The following DISC1 variants were observed in gnomAD, a reference collection of about 807,000 sequenced individuals.
DISC1 encodes disrupted in schizophrenia 1 protein.
Under a neutral mutation model 84.5 loss-of-function variants are expected in DISC1, and 57 were observed. The observed-to-expected ratio is 0.67, with a 90% CI of 0.55 to 0.84. DISC1 has a LOEUF of 0.84. Ranked by LOEUF, DISC1 falls within the 40% of genes least tolerant of loss-of-function variation. The pLI, the probability that DISC1 is intolerant of heterozygous loss-of-function variation, is 0.00. For missense variants in DISC1, 1,000 were observed against 1,057.8 expected, an observed-to-expected ratio of 0.95 and a Z score of 0.76; for synonymous variants, 411 against 415.2, an observed-to-expected ratio of 0.99 and a Z score of 0.12.
chr1:232,037,509 A>C lies in DISC1; in HGVS notation c.*678A>C, dbSNP rs1021949469. 1.3e-5 allele frequency: 2 copies of C among 152,256 alleles called. No individual in the cohort carries two copies. The highest frequency in any genetic ancestry group is 4.8e-5 in the African/African-American group (2 of 41,474). 9.4% of individuals were successfully genotyped at this position (152,256 alleles called of 1,614,324 possible). On this transcript the variant is annotated 3_prime_UTR_variant, in exon 13 of 13. Coordinates refer to ENST00000439617, the MANE Select transcript of DISC1 (RefSeq NM_018662.3). ...AAGGATCCCTGAGAGTCTCTGTTTC[A>C]TCAGGACATTCTGAAATTTACCCAC...
intron 10 of DISC1, among the ~76,000 whole-genome samples, chr1:231,998,538 G>A (rs1001838504): frequency 1.3e-5 from 2 of 152,054 alleles, no homozygotes; most frequent in Non-Finnish European, 2.9e-5. Flanking sequence ...GAACTAGATC[G>A]ACCTCAGACT....
rs879405874 is a variant in DISC1 at position 231,693,920 on chromosome 1, C to T, written c.162C>T (p.Ile54=). The change falls in exon 2 of 13, where the codon ATC becomes ATT. Residue 54 remains isoleucine (I), a synonymous_variant. Coordinates refer to ENST00000439617, the MANE Select transcript of DISC1 (RefSeq NM_018662.3). ...GYMRSSTGPG[I]GFLSPAVGTL... ...TGAGAAGCTCGACAGGGCCTGGGAT[C>T]GGGTTCCTTTCCCCAGCAGTGGGCA... 6 of 1,614,178 alleles carry T rather than the reference C, an allele frequency of 3.7e-6. No individual in the cohort carries two copies. Among genetic ancestry groups the T allele is most frequent in the East Asian group, 2.2e-5 (1 of 44,886 alleles).
At chr1:231,778,094 T>C (rs1351548348) in intron 6 of DISC1, among the ~76,000 whole-genome samples, 1 of 152,094 alleles carries the variant, frequency 6.6e-6, no homozygotes, top group Non-Finnish European at 1.5e-5. Flanking sequence ...AGGCCAGGGA[T>C]GGTTGTCTCT....
intron 1 of DISC1, among the ~76,000 whole-genome samples, chr1:231,638,875 G>A (rs2059401484): frequency 6.6e-6 from 1 of 152,136 alleles, no homozygotes; most frequent in Non-Finnish European, 1.5e-5. Context: ...GAATCATCAG[G>A]AATTTAGTGG....
intron 9 of DISC1, among the ~76,000 whole-genome samples, chr1:231,904,552 A>G (rs575414686): frequency 9.8e-5 from 15 of 152,326 alleles, no homozygotes; most frequent in African/African-American, 3.6e-4. Context: ...CTGTGAACCT[A>G]AATACACAGA....
intron 1 of DISC1, among the ~76,000 whole-genome samples, chr1:231,680,383 G>A (rs1026734386): frequency 4.6e-5 from 7 of 152,022 alleles, no homozygotes; most frequent in Non-Finnish European, 1.0e-4. Context: ...TCAGACCCAG[G>A]TAAGTTACAG....
At chr1:231,722,548 A>G in intron 3 of DISC1, 1 of 1,614,134 alleles carries the variant, frequency 6.2e-7, no homozygotes, top group Non-Finnish European at 8.5e-7. Flanking sequence ...GCTGGAACCA[A>G]TTGCTTTGGA....
At chr1:231,896,112 A>T (rs770654142) in intron 9 of DISC1, among the ~76,000 whole-genome samples, 1 of 152,106 alleles carries the variant, frequency 6.6e-6, no homozygotes, top group African/African-American at 2.4e-5. Context: ...TATGAGTTTC[A>T]TCGTACCAAT....
chr1:231,631,462 A>C (rs887744192), intron 1 of DISC1, among the ~76,000 whole-genome samples: 1 of 152,186 alleles, frequency 6.6e-6, no homozygotes, highest in Non-Finnish European at 1.5e-5. Flanking sequence ...TTGTTGTCAT[A>C]GGAGATGATG....
rs190136491 is a variant in DISC1 at position 231,929,252 on chromosome 1, G to A, written c.1982-29576G>A. On this transcript the variant is annotated intron_variant, in intron 9 of 12. Transcript: ENST00000439617. ...GAATCTGGGTGCTCCTGTATTGGGT[G>A]CAGATATATTTAGGATAGTTAGCTC... 3.3e-5 allele frequency among the ~76,000 whole-genome samples: 5 copies of A among 152,236 alleles called. No homozygotes were observed. The East Asian group carries it at 9.6e-4, about 29-fold the overall frequency.
At chr1:231,955,050 T>C (rs543650333) in intron 9 of DISC1, among the ~76,000 whole-genome samples, 193 of 152,346 alleles carry the variant, frequency 1.3e-3, no homozygotes, top group African/African-American at 4.4e-3. Context: ...TTCAGTTTCT[T>C]AACAAAGTGA....
At chr1:231,864,434 TG>T (rs1271056877) in intron 9 of DISC1, among the ~76,000 whole-genome samples, 1 of 151,960 alleles carries the variant, frequency 6.6e-6, no homozygotes, top group African/African-American at 2.4e-5. Flanking sequence ...GAGGCCGAGG[TG>T]GGCAGATCAC....
At chr1:231,856,518 A>G (rs1375870953) in intron 9 of DISC1, among the ~76,000 whole-genome samples, 1 of 152,166 alleles carries the variant, frequency 6.6e-6, no homozygotes, top group East Asian at 1.9e-4. Flanking sequence ...GTTCCCATGC[A>G]TTGATTCTCT....
chr1:231,856,608 T>G (rs1366350329), intron 9 of DISC1, among the ~76,000 whole-genome samples: 1 of 152,142 alleles, frequency 6.6e-6, no homozygotes, highest in Non-Finnish European at 1.5e-5. Context: ...TGCCATTTCT[T>G]TATGTGGCTG....
chr1:231,997,361 CCGT>C (rs1666089509), intron 10 of DISC1, among the ~76,000 whole-genome samples: 1 of 152,152 alleles, frequency 6.6e-6, no homozygotes, highest in African/African-American at 2.4e-5. Flanking sequence ...CTCGCTCACA[CCGT>C]AGAAGCCAGA....
At chr1:232,004,131 A>G (rs1480841868) in intron 10 of DISC1, among the ~76,000 whole-genome samples, 1 of 151,848 alleles carries the variant, frequency 6.6e-6, no homozygotes. Context: ...TCAAAAGAGG[A>G]AAATATGAAA....
chr1:231,853,840 A>G (rs1366048788), intron 9 of DISC1, among the ~76,000 whole-genome samples: 2 of 152,222 alleles, frequency 1.3e-5, no homozygotes, highest in South Asian at 2.1e-4. Context: ...TGGCATCTCC[A>G]GTGCCTGTAT....
chr1:231,782,956 T>G (rs1161874815), intron 6 of DISC1, among the ~76,000 whole-genome samples: 1 of 151,954 alleles, frequency 6.6e-6, no homozygotes, highest in Non-Finnish European at 1.5e-5. Flanking sequence ...TATAAATAAA[T>G]AAATAAATGC....
At chr1:231,957,814 A>C (rs1352821328) in intron 9 of DISC1, among the ~76,000 whole-genome samples, 3 of 152,168 alleles carry the variant, frequency 2.0e-5, no homozygotes, top group Non-Finnish European at 4.4e-5. Flanking sequence ...TTCCAGTTCC[A>C]CAGTCCCTCA....
Sources: gnomAD v4.1 joint callset for allele counts (sites outside exome capture counted in the v4.1 genomes callset) on GRCh38, gnomAD v4.1.1 for gene constraint, MANE v1.5 for transcripts, NCBI Gene and HGNC (gene_info 2026-07-23, HGNC 2026-07-21) for gene names.